The following OR10Z1 variants were observed in gnomAD, a reference collection of about 807,000 sequenced individuals.
The protein encoded by OR10Z1 is olfactory receptor 10Z1.
For synonymous variants in OR10Z1, 187 were observed against 151.2 expected (o/e 1.24, Z -1.74); for missense variants, 468 against 371.0 (o/e 1.26, Z -2.15).
At position 158,606,592 on chromosome 1, in the gene OR10Z1, G is replaced by C. The variant is rs773133047; in HGVS notation, c.154G>C (p.Asp52His). ...NVFIIIAIRLDSHLHTPMYLF... is the reference protein window; with the variant it reads ...NVFIIIAIRLHSHLHTPMYLF... ...CTTCATTATCATAGCCATCAGGCTGGATAGCCATCTGCACACCCCCATGTA... is the reference window on the plus strand; with the variant it reads ...CTTCATTATCATAGCCATCAGGCTGCATAGCCATCTGCACACCCCCATGTA... Residue 52 changes from aspartate to histidine, a missense_variant, in exon 2 of 2, where the codon GAT becomes CAT. Transcript: ENST00000641002. 1 of 1,613,986 alleles carries C rather than the reference G, an allele frequency of 6.2e-7. No homozygotes were observed. Among genetic ancestry groups the C allele is most frequent in the African/African-American group, 1.3e-5 (1 of 75,040 alleles).
At position 158,611,605 on chromosome 1, in the gene OR10Z1, C is replaced by A. The variant is rs2101741953; in HGVS notation, c.*4225C>A. 1 of 491,954 alleles carries A rather than the reference C, an allele frequency of 2.0e-6. No individual in the cohort carries two copies. Among genetic ancestry groups the A allele is most frequent in the African/African-American group, 1.9e-5 (1 of 51,360 alleles). 30.5% of individuals were successfully genotyped at this position (491,954 alleles called of 1,614,324 possible). On this transcript the variant is annotated 3_prime_UTR_variant, in exon 2 of 2. Coordinates refer to ENST00000641002, the MANE Select transcript of OR10Z1 (RefSeq NM_001004478.2). ...GCCCTTTCTTGAAAAAGAGAGCTTA[C>A]TCACTTTGATTATTCTGTAAATCTC...
chr1:158,609,733 T>G lies in OR10Z1; in HGVS notation c.*2353T>G, dbSNP rs1649156201. 1 of 152,154 alleles carries G rather than the reference T, an allele frequency of 6.6e-6. No homozygotes were observed. Among genetic ancestry groups the G allele is most frequent in the African/African-American group, 2.4e-5 (1 of 41,454 alleles). The allele number at this position is 152,154 out of a possible 1,614,324, so 9.4% of individuals were successfully genotyped here. A position where few individuals can be genotyped will look rare whatever the true frequency, so the allele number is the denominator to read the frequency against. On this transcript the variant is annotated 3_prime_UTR_variant, in exon 2 of 2. Transcript: ENST00000641002. ...GGTGATTCAAATTTCCTCTCTTGAT[T>G]AAGTATGTGACTACGCGCTTAGAAA...
chr1:158,607,017 C>G lies in OR10Z1; in HGVS notation c.579C>G (p.Gly193=), dbSNP rs753596752. The change falls in exon 2 of 2, where the codon GGC becomes GGG. Residue 193 remains glycine (G), a synonymous_variant. Coordinates refer to ENST00000641002, the MANE Select transcript of OR10Z1 (RefSeq NM_001004478.2). ...TGAGCCTAGCCTGTGGAGATACAGG[C>G]CCGAGTGAGCTGAGGATCTTTATCC... ...PVLSLACGDT[G]PSELRIFILS... is the part of the protein sequence containing the mutation. The G allele has an allele frequency of 1.9e-6, 3 of 1,614,052 alleles. No homozygotes were observed. In the South Asian group the frequency reaches 3.3e-5, roughly 18 times the overall value.
rs368757079 is a variant in OR10Z1, at chr1:158,607,166, C to T, written c.728C>T (p.Ser243Leu). 2.7e-5 allele frequency: 43 copies of T among 1,613,952 alleles called. No homozygotes were observed. The highest frequency in any genetic ancestry group is 5.3e-5 in the African/African-American group (4 of 74,912). ...AAGAAGGCCTTCTCCACTTGTGCCT[C>T]GCACCTTACAGTGGTCATTATTCAT... ...GQKKAFSTCA[S>L]HLTVVIIHYG... The change falls in exon 2 of 2, where the codon TCG becomes TTG. Residue 243 changes from serine (S) to leucine (L), a missense_variant. Coordinates refer to ENST00000641002, the MANE Select transcript of OR10Z1 (RefSeq NM_001004478.2).
At position 158,611,605 on chromosome 1, in the gene OR10Z1, C is replaced by T. The variant is rs2101741953; in HGVS notation, c.*4225C>T. 1 of 491,956 alleles carries T rather than the reference C, an allele frequency of 2.0e-6. No individual in the cohort carries two copies. The highest frequency in any genetic ancestry group is 3.6e-6 in the Non-Finnish European group (1 of 278,292). The allele number at this position is 491,956 out of a possible 1,614,324, so 30.5% of individuals were successfully genotyped here. ...GCCCTTTCTTGAAAAAGAGAGCTTA[C>T]TCACTTTGATTATTCTGTAAATCTC... On this transcript the variant is annotated 3_prime_UTR_variant, in exon 2 of 2. Coordinates refer to ENST00000641002, the MANE Select transcript of OR10Z1 (RefSeq NM_001004478.2).
rs931959933 is a variant in OR10Z1 at position 158,607,586 on chromosome 1, A to G, written c.*206A>G. ...TGCTCTGCTCACTGTGCACAACTCA[A>G]AATGAGCCCAAAATCTGAATTTTAA... On this transcript the variant is annotated 3_prime_UTR_variant, in exon 2 of 2. Coordinates refer to ENST00000641002, the MANE Select transcript of OR10Z1 (RefSeq NM_001004478.2). 3.0e-5 allele frequency: 13 copies of G among 430,400 alleles called. No homozygotes were observed. The East Asian group carries it at 4.0e-4, about 13-fold the overall frequency. 26.7% of individuals were successfully genotyped at this position (430,400 alleles called of 1,614,324 possible). A position where few individuals can be genotyped will look rare whatever the true frequency, so the allele number is the denominator to read the frequency against.
In OR10Z1 at chr1:158,611,632, T is replaced by G. The variant is rs1649268347; in HGVS notation, c.*4252T>G. 2.4e-6 allele frequency: 1 copy of G among 414,526 alleles called. No homozygotes were observed. Among genetic ancestry groups the G allele is most frequent in the Non-Finnish European group, 4.4e-6 (1 of 228,082 alleles). The allele number at this position is 414,526 out of a possible 1,614,324, so 25.7% of individuals were successfully genotyped here. A position where few individuals can be genotyped will look rare whatever the true frequency, so the allele number is the denominator to read the frequency against. On this transcript the variant is annotated 3_prime_UTR_variant, in exon 2 of 2. Coordinates refer to ENST00000641002, the MANE Select transcript of OR10Z1 (RefSeq NM_001004478.2). ...CACTTTGATTATTCTGTAAATCTCA[T>G]TCCCTAAAGTTGTTTTATTAAATAG...
chr1:158,611,388 G>C lies in OR10Z1; in HGVS notation c.*4008G>C. The C allele has an allele frequency of 6.2e-7, 1 of 1,613,516 alleles. No individual in the cohort carries two copies. The highest frequency in any genetic ancestry group is 8.5e-7 in the Non-Finnish European group (1 of 1,179,598). On this transcript the variant is annotated 3_prime_UTR_variant, in exon 2 of 2. Coordinates refer to ENST00000641002, the MANE Select transcript of OR10Z1 (RefSeq NM_001004478.2). Reference sequence around the variant, plus strand: ...GAATGACACTTGCTCTGGGGTAAGGGCCTGAAAAGTATAAAAAGAGAAAAA... The same window carrying C: ...GAATGACACTTGCTCTGGGGTAAGGCCCTGAAAAGTATAAAAAGAGAAAAA...
chr1:158,606,697 G>GT lies in OR10Z1; in HGVS notation c.259_260insT (p.Gly87ValfsTer25), dbSNP rs1649058654. 6.2e-7 allele frequency: 1 copy of GT among 1,613,698 alleles called. No individual in the cohort carries two copies. Among genetic ancestry groups the GT allele is most frequent in the South Asian group, 1.1e-5 (1 of 91,058 alleles). The stretch of plus-strand genomic sequence containing the variant: ...CCCTAGAATGCTCTCTGGCCTGGCT[G>GT]GGGGGGACCAGGCTATCTCCTATGT... On this transcript the variant is annotated frameshift_variant, in exon 2 of 2. Coordinates refer to ENST00000641002, the MANE Select transcript of OR10Z1 (RefSeq NM_001004478.2). LOFTEE classifies it low-confidence loss of function (END_TRUNC).
At position 158,609,066 on chromosome 1, in the gene OR10Z1, G is replaced by A. The variant is rs1326657001; in HGVS notation, c.*1686G>A. On this transcript the variant is annotated 3_prime_UTR_variant, in exon 2 of 2. Coordinates refer to ENST00000641002, the MANE Select transcript of OR10Z1 (RefSeq NM_001004478.2). ...AAAAAGGCAAAGAGGCTTGAATATG[G>A]ATAGTGACATTCAGAGACTGAAGGA... 1 of 152,122 alleles carries A rather than the reference G, an allele frequency of 6.6e-6. No homozygotes were observed. Among genetic ancestry groups the A allele is most frequent in the African/African-American group, 2.4e-5 (1 of 41,408 alleles). The allele number at this position is 152,122 out of a possible 1,614,324, so 9.4% of individuals were successfully genotyped here. A position where few individuals can be genotyped will look rare whatever the true frequency, so the allele number is the denominator to read the frequency against.
rs1248403788 is a variant in OR10Z1 at position 158,608,342 on chromosome 1, T to G, written c.*962T>G. 1 of 152,176 alleles carries G rather than the reference T, an allele frequency of 6.6e-6. No homozygotes were observed. Among genetic ancestry groups the G allele is most frequent in the African/African-American group, 2.4e-5 (1 of 41,450 alleles). 9.4% of individuals were successfully genotyped at this position (152,176 alleles called of 1,614,324 possible). On this transcript the variant is annotated 3_prime_UTR_variant, in exon 2 of 2. Coordinates refer to ENST00000641002, the MANE Select transcript of OR10Z1 (RefSeq NM_001004478.2). The stretch of plus-strand genomic sequence containing the variant: ...GCGGACATTATTAGAGAAAGTGTAA[T>G]GAACTCACAAGACCGTCAGGCAGGA...
chr1:158,605,501 C>G (rs563764278), intron 1 of OR10Z1, 100 bp downstream of exon 1: 3 of 152,646 alleles, frequency 2.0e-5, no homozygotes, highest in Admixed American at 1.3e-4. Flanking sequence ...TGCTGCACAA[C>G]CTGCCTTGAG....
chr1:158,611,171 C>T lies in OR10Z1; in HGVS notation c.*3791C>T, dbSNP rs929301791. Reference sequence around the variant, plus strand: ...CACACACACACACACACACACGAGGCCATCTTTATCTTCCACATTTGCCTG... The same window carrying T: ...CACACACACACACACACACACGAGGTCATCTTTATCTTCCACATTTGCCTG... On this transcript the variant is annotated 3_prime_UTR_variant, in exon 2 of 2. Coordinates refer to ENST00000641002, the MANE Select transcript of OR10Z1 (RefSeq NM_001004478.2). The T allele has an allele frequency of 1.8e-6, 2 of 1,126,300 alleles. No individual in the cohort carries two copies. The highest frequency in any genetic ancestry group is 1.3e-6 in the Non-Finnish European group (1 of 783,754). The allele number at this position is 1,126,300 out of a possible 1,614,324, so 69.8% of individuals were successfully genotyped here.
rs1649245532 is a variant in OR10Z1, at chr1:158,611,298, T to C, written c.*3918T>C. 6 of 1,613,716 alleles carry C rather than the reference T, an allele frequency of 3.7e-6. No homozygotes were observed. The highest frequency in any genetic ancestry group is 5.1e-6 in the Non-Finnish European group (6 of 1,179,820). On this transcript the variant is annotated 3_prime_UTR_variant, in exon 2 of 2. Coordinates refer to ENST00000641002, the MANE Select transcript of OR10Z1 (RefSeq NM_001004478.2). ...AAAGTAGGAATTGGTGAAGCCAACG[T>C]AGTCATAGCCAGAGAGATGGCTTCG...
At position 158,607,112 on chromosome 1, in the gene OR10Z1, T is replaced by C; in HGVS notation, c.674T>C (p.Ile225Thr). The change falls in exon 2 of 2, where the codon ATA becomes ACA. Residue 225 changes from isoleucine (I) to threonine (T), a missense_variant. By Grantham distance (89) the Ile-to-Thr change is moderately conservative (BLOSUM62 -1). Transcript: ENST00000641002. Reference protein sequence around the residue: ...TISYAYILAAILRIPSAEGQK... With the variant: ...TISYAYILAATLRIPSAEGQK... ...TCCTACGCCTACATCTTGGCAGCAATACTGAGGATCCCCTCTGCTGAGGGG... is the reference window on the plus strand; with the variant it reads ...TCCTACGCCTACATCTTGGCAGCAACACTGAGGATCCCCTCTGCTGAGGGG... The C allele has an allele frequency of 6.2e-7, 1 of 1,613,960 alleles. No individual in the cohort carries two copies. The highest frequency in any genetic ancestry group is 8.5e-7 in the Non-Finnish European group (1 of 1,179,940).
At position 158,609,604 on chromosome 1, in the gene OR10Z1, G is replaced by A. The variant is rs1017747957; in HGVS notation, c.*2224G>A. 3 of 152,114 alleles carry A rather than the reference G, an allele frequency of 2.0e-5. No individual in the cohort carries two copies. The highest frequency in any genetic ancestry group is 2.9e-5 in the Non-Finnish European group (2 of 67,994). 9.4% of individuals were successfully genotyped at this position (152,114 alleles called of 1,614,324 possible). On this transcript the variant is annotated 3_prime_UTR_variant, in exon 2 of 2. Transcript: ENST00000641002. ...ATGGAAGGGTATAAAATCACTTGGAGGGATTTTTCCAAATAGGTGTTTTTG... is the reference window on the plus strand; with the variant it reads ...ATGGAAGGGTATAAAATCACTTGGAAGGATTTTTCCAAATAGGTGTTTTTG...
rs752002349 is a variant in OR10Z1 at position 158,611,369 on chromosome 1, C to A, written c.*3989C>A. On this transcript the variant is annotated 3_prime_UTR_variant, in exon 2 of 2. Coordinates refer to ENST00000641002, the MANE Select transcript of OR10Z1 (RefSeq NM_001004478.2). ...GCTGCATATGTGTGGCACAGAATGA[C>A]ACTTGCTCTGGGGTAAGGGCCTGAA... 2.5e-6 allele frequency: 4 copies of A among 1,613,670 alleles called. No homozygotes were observed. The East Asian group carries it at 8.9e-5, about 36-fold the overall frequency.
In OR10Z1 at chr1:158,611,306, G is replaced by A; in HGVS notation, c.*3926G>A. 1 of 1,613,838 alleles carries A rather than the reference G, an allele frequency of 6.2e-7. No homozygotes were observed. On this transcript the variant is annotated 3_prime_UTR_variant, in exon 2 of 2. Transcript: ENST00000641002. The stretch of plus-strand genomic sequence containing the variant: ...AATTGGTGAAGCCAACGTAGTCATA[G>A]CCAGAGAGATGGCTTCGACCCCGTG...
chr1:158,607,420 G>C lies in OR10Z1; in HGVS notation c.*40G>C, dbSNP rs761778253. On this transcript the variant is annotated 3_prime_UTR_variant, in exon 2 of 2. Coordinates refer to ENST00000641002, the MANE Select transcript of OR10Z1 (RefSeq NM_001004478.2). ...GGACACTTTCTTCTGTGTAGGCTGGGCATAGACCAAGAACCCAAGCCAAAG... is the reference window on the plus strand; with the variant it reads ...GGACACTTTCTTCTGTGTAGGCTGGCCATAGACCAAGAACCCAAGCCAAAG... 6.6e-7 allele frequency: 1 copy of C among 1,514,312 alleles called. No homozygotes were observed. Among genetic ancestry groups the C allele is most frequent in the South Asian group, 1.2e-5 (1 of 82,660 alleles). 93.8% of individuals were successfully genotyped at this position (1,514,312 alleles called of 1,614,324 possible).
Sources: gnomAD v4.1 joint callset for allele counts on GRCh38, gnomAD v4.1.1 for gene constraint, MANE v1.5 for transcripts, NCBI Gene and HGNC (gene_info 2026-07-23, HGNC 2026-07-21) for gene names.